ZGPAT: variants seen among roughly 807,000 people sequenced by gnomAD.
The protein encoded by ZGPAT is zinc finger CCCH-type with G patch domain-containing protein.
ZGPAT carries 39 observed loss-of-function variants against 47.9 expected under a neutral mutation model. That is an observed-to-expected ratio of 0.81 (90% CI 0.63 to 1.06). The LOEUF (loss-of-function observed/expected upper bound fraction) is 1.06. ZGPAT is among the 50% of genes least tolerant of loss of function. The probability of loss-of-function intolerance (pLI) is 0.00; values close to 1 mark genes in which losing one functional copy is unlikely to be tolerated. For missense variants in ZGPAT, 717 were observed against 681.4 expected, an observed-to-expected ratio of 1.05 and a Z score of -0.58; for synonymous variants, 348 against 292.9, an observed-to-expected ratio of 1.19 and a Z score of -1.92.
chr20:63,711,532 G>T (rs774947785), intron 2 of ZGPAT, among the ~76,000 whole-genome samples: 1 of 151,942 alleles, frequency 6.6e-6, no homozygotes, highest in African/African-American at 2.4e-5. Context: ...GAAAGCTTCC[G>T]GAGCATCTTA....
At chr20:63,732,711 C>T (rs1467333960) in intron 2 of ZGPAT, among the ~76,000 whole-genome samples, 4 of 147,406 alleles carry the variant, frequency 2.7e-5, no homozygotes, top group Non-Finnish European at 6.0e-5. Flanking sequence ...TACATGTGTA[C>T]TTGTGTATGT....
intron 3 of ZGPAT, 35 bp downstream of exon 3, chr20:63,733,387 C>G: frequency 6.2e-7 from 1 of 1,604,034 alleles, no homozygotes; most frequent in Non-Finnish European, 8.5e-7. Context: ...CGGGAACACC[C>G]TCCCAGGCCC....
chr20:63,725,753 G>T (rs184901525), intron 2 of ZGPAT, among the ~76,000 whole-genome samples: 12 of 140,206 alleles, frequency 8.6e-5, no homozygotes, highest in Non-Finnish European at 1.7e-4. Flanking sequence ...GTTGGTGTGC[G>T]TTCTCTAAAG....
intron 2 of ZGPAT, among the ~76,000 whole-genome samples, chr20:63,724,827 C>T (rs2091827184): frequency 6.6e-6 from 1 of 151,936 alleles, no homozygotes. Context: ...GCACCTGCCA[C>T]CACCCCCAGC....
chr20:63,721,965 A>G (rs1033295068), intron 2 of ZGPAT, among the ~76,000 whole-genome samples: 1 of 145,940 alleles, frequency 6.9e-6, no homozygotes, highest in Non-Finnish European at 1.5e-5. Flanking sequence ...GTGAGCTGAG[A>G]TCGTGCCATT....
intron 2 of ZGPAT, among the ~76,000 whole-genome samples, chr20:63,725,654 A>G (rs1464488180): frequency 6.6e-6 from 1 of 150,412 alleles, no homozygotes; most frequent in Non-Finnish European, 1.5e-5. Context: ...GTTTTGTTTT[A>G]CCAAATTTGG....
chr20:63,713,970 T>C (rs1406189968), intron 2 of ZGPAT, among the ~76,000 whole-genome samples: 3 of 152,036 alleles, frequency 2.0e-5, no homozygotes, highest in African/African-American at 7.2e-5. Flanking sequence ...TTATGCACTA[T>C]TTAGGATTTT....
At chr20:63,719,064 T>TGA (rs2091761051) in intron 2 of ZGPAT, among the ~76,000 whole-genome samples, 1 of 30,120 alleles carries the variant, frequency 3.3e-5, no homozygotes, top group East Asian at 2.4e-3. Context: ...AGACTCCATC[T>TGA]CAAAAAAAAA....
chr20:63,734,131 C>G (rs1195735593), intron 4 of ZGPAT: 1 of 283,354 alleles, frequency 3.5e-6, no homozygotes, highest in East Asian at 9.3e-5. Context: ...GAGGTTGTGT[C>G]CAGACAGCCA....
chr20:63,731,930 G>C (rs2091908643), intron 2 of ZGPAT, among the ~76,000 whole-genome samples: 1 of 152,336 alleles, frequency 6.6e-6, no homozygotes, highest in South Asian at 2.1e-4. Flanking sequence ...GGGAAGATGT[G>C]CGTAGGTTAT....
intron 2 of ZGPAT, among the ~76,000 whole-genome samples, chr20:63,732,948 ATATGTG>A (rs1568800750): frequency 1.3e-5 from 2 of 150,840 alleles, no homozygotes; most frequent in Non-Finnish European, 2.9e-5. Context: ...AAGTGTGTAT[ATATGTG>A]TATGTGTGAG....
intron 2 of ZGPAT, among the ~76,000 whole-genome samples, chr20:63,731,374 AC>A (rs1196866508): frequency 6.8e-6 from 1 of 147,742 alleles, no homozygotes. Context: ...GTATGTGCAT[AC>A]GTGTGTAAAG....
rs144182745 is a variant in ZGPAT at position 63,709,069 on chromosome 20, G to A, written c.489G>A (p.Ala163=). Residue 163 remains alanine (A), a synonymous_variant, in exon 2 of 7, where the codon GCG becomes GCA. Transcript: ENST00000355969. The stretch of plus-strand genomic sequence containing the variant: ...CGGAAGAGGCGGAGGATGGCTCGGC[G>A]GGTGTCCGTGTGCTTTACCTGTACC... ...VGTEEAEDGS[A]GVRVLYLYPT... The A allele has an allele frequency of 5.0e-6, 8 of 1,613,344 alleles. No homozygotes were observed. The highest frequency in any genetic ancestry group is 5.9e-6 in the Non-Finnish European group (7 of 1,180,012).
rs1294193476 is a variant in ZGPAT at position 63,713,760 on chromosome 20, A to T, written c.584+4596A>T. 4.0e-5 allele frequency among the ~76,000 whole-genome samples: 6 copies of T among 151,224 alleles called. No homozygotes were observed. In the East Asian group the frequency reaches 9.9e-4, roughly 25 times the overall value. ...GTGGCAGGTGCCTGTAATCCCATCT[A>T]CTCAGGAGGCTGAGGCAAGAGAATT... On this transcript the variant is annotated intron_variant, in intron 2 of 6. Coordinates refer to ENST00000355969, the MANE Select transcript of ZGPAT (RefSeq NM_181485.3).
intron 2 of ZGPAT, among the ~76,000 whole-genome samples, chr20:63,728,901 A>G (rs1018528982): frequency 6.6e-6 from 1 of 152,194 alleles, no homozygotes; most frequent in African/African-American, 2.4e-5. Context: ...TTCTGGCCCA[A>G]GGCCCAACAT....
Position 63,708,961 on chromosome 20 carries a change from A to G in ZGPAT, c.381A>G (p.Glu127=). 6.2e-7 allele frequency: 1 copy of G among 1,613,440 alleles called. No individual in the cohort carries two copies. ...AGGAGGAAGAGGGAGAGGACGAGGA[A>G]GAGCTGAGTGGGACAAAGGTGAGCG... The part of the protein sequence containing the change: ...GQEEEEGEDE[E]ELSGTKVSAP... The change falls in exon 2 of 7, where the codon GAA becomes GAG. Residue 127 remains glutamate (E), a synonymous_variant. Coordinates refer to ENST00000355969, the MANE Select transcript of ZGPAT (RefSeq NM_181485.3).
chr20:63,712,102 A>G (rs2091675358), intron 2 of ZGPAT, among the ~76,000 whole-genome samples: 1 of 152,100 alleles, frequency 6.6e-6, no homozygotes, highest in African/African-American at 2.4e-5. Context: ...GAGGATTTTC[A>G]CCTATGTTTT....
At chr20:63,734,415 G>A (rs915717897) in intron 4 of ZGPAT, 44 of 506,652 alleles carry the variant, frequency 8.7e-5, no homozygotes, top group Non-Finnish European at 1.4e-4. Context: ...AGAAGGGCAG[G>A]GGCAGGAGAG....
At chr20:63,729,656 G>T (rs942826525) in intron 2 of ZGPAT, among the ~76,000 whole-genome samples, 5 of 152,068 alleles carry the variant, frequency 3.3e-5, no homozygotes, top group African/African-American at 1.2e-4. Context: ...TTGGTTTTCA[G>T]TTAACTTCAT....
Sources: gnomAD v4.1 joint callset for allele counts (sites outside exome capture counted in the v4.1 genomes callset) on GRCh38, gnomAD v4.1.1 for gene constraint, MANE v1.5 for transcripts, NCBI Gene and HGNC (gene_info 2026-07-23, HGNC 2026-07-21) for gene names.